GLYCTK: variants seen among roughly 807,000 people sequenced by gnomAD.
GLYCTK encodes the protein glycerate kinase, also known as HBeAg binding protein 4.
GLYCTK carries 22 observed loss-of-function variants against 24.8 expected under a neutral mutation model. That is an observed-to-expected ratio of 0.89 (90% CI 0.63 to 1.27). The LOEUF is 1.27. GLYCTK is among the 50% of genes most tolerant of loss of function. GLYCTK has a pLI of 0.00. For missense variants in GLYCTK, 684 were observed against 686.7 expected (o/e 1.00, Z 0.04); for synonymous variants, 320 against 297.2 (o/e 1.08, Z -0.79).
chr3:52,291,468 C>A, intron 3 of GLYCTK: 1 of 582,518 alleles, frequency 1.7e-6, no homozygotes, highest in Non-Finnish European at 3.1e-6. Flanking sequence ...GAGTCCTCTC[C>A]TTGATCTTCC....
chr3:52,290,752 C>G (rs2153220855), intron 2 of GLYCTK, 33 bp downstream of exon 2: 2 of 1,603,780 alleles, frequency 1.2e-6, no homozygotes, highest in Non-Finnish European at 1.7e-6. Context: ...CTCCCTCTAT[C>G]TATCTGGAGG....
Position 52,294,710 on chromosome 3 carries a change from A to G in GLYCTK, c.*1584A>G. 1 of 443,274 alleles carries G rather than the reference A, an allele frequency of 2.3e-6. No homozygotes were observed. The highest frequency in any genetic ancestry group is 4.6e-6 in the Non-Finnish European group (1 of 219,568). The allele number at this position is 443,274 out of a possible 1,614,324, so 27.5% of individuals were successfully genotyped here. A position where few individuals can be genotyped will look rare whatever the true frequency, so the allele number is the denominator to read the frequency against. On this transcript the variant is annotated 3_prime_UTR_variant, in exon 5 of 5. Coordinates refer to ENST00000436784, the MANE Select transcript of GLYCTK (RefSeq NM_145262.4). ...TGCTCCTCTGGCAGCGTCTACATGT[A>G]GCCTGTTCCTGCCTCAGTCCTTGCT...
At chr3:52,287,978 G>A in intron 1 of GLYCTK, 102 bp downstream of exon 1, 1 of 352,914 alleles carries the variant, frequency 2.8e-6, no homozygotes, top group Non-Finnish European at 6.0e-6. Context: ...TCGCATCACC[G>A]GGCATTACGC....
In GLYCTK at chr3:52,293,362, G is replaced by A. The variant is rs541005983; in HGVS notation, c.*236G>A. The stretch of plus-strand genomic sequence containing the variant: ...CCCTGAGGATGAGGACAAGCCCCTC[G>A]GCCAGTTCAGCGTTCCCGTGCTTCT... On this transcript the variant is annotated 3_prime_UTR_variant, in exon 5 of 5. Coordinates refer to ENST00000436784, the MANE Select transcript of GLYCTK (RefSeq NM_145262.4). 28 of 693,356 alleles carry A rather than the reference G, an allele frequency of 4.0e-5. No homozygotes were observed. Among genetic ancestry groups the A allele is most frequent in the Admixed American group, 3.6e-4 (18 of 49,652 alleles). 43.0% of individuals were successfully genotyped at this position (693,356 alleles called of 1,614,324 possible).
At chr3:52,290,115 G>T in intron 1 of GLYCTK, 189 bp from the exon 2 acceptor site, 1 of 586,910 alleles carries the variant, frequency 1.7e-6, no homozygotes. Context: ...CTGGGTGGCA[G>T]GGCTGGTCTC....
chr3:52,294,857 G>T lies in GLYCTK; in HGVS notation c.*1731G>T, dbSNP rs1700590782. 2.2e-6 allele frequency: 1 copy of T among 453,960 alleles called. No homozygotes were observed. Among genetic ancestry groups the T allele is most frequent in the Non-Finnish European group, 4.4e-6 (1 of 226,798 alleles). 28.1% of individuals were successfully genotyped at this position (453,960 alleles called of 1,614,324 possible). A position where few individuals can be genotyped will look rare whatever the true frequency, so the allele number is the denominator to read the frequency against. ...CCATGTCCCCAGTGTGTGTGTGGGT[G>T]GTAGGTGTGTGAGTATACAGACGTT... On this transcript the variant is annotated 3_prime_UTR_variant, in exon 5 of 5. Transcript: ENST00000436784.
In GLYCTK at chr3:52,292,360, A is replaced by C. The variant is rs527754559; in HGVS notation, c.806A>C (p.His269Pro). The stretch of plus-strand genomic sequence containing the variant: ...TCCCACAATGTGCAAGATTGCCTGC[A>C]TATCCTCAATCGCTACGGCCTCCGT... ...ASSHNVQDCLHILNRYGLRAA... is the reference protein window; with the variant it reads ...ASSHNVQDCLPILNRYGLRAA... The change falls in exon 5 of 5, where the codon CAT (histidine) becomes CCT (proline). Residue 269 changes from histidine to proline, a missense_variant. Physicochemically the swap from His to Pro is moderately conservative, Grantham distance 77. Transcript: ENST00000436784. 1 of 1,613,974 alleles carries C rather than the reference A, an allele frequency of 6.2e-7. No homozygotes were observed. The highest frequency in any genetic ancestry group is 1.1e-5 in the South Asian group (1 of 91,084).
intron 4 of GLYCTK, 58 bp downstream of exon 4, chr3:52,291,980 C>A: frequency 6.6e-7 from 1 of 1,522,230 alleles, no homozygotes; most frequent in Non-Finnish European, 9.0e-7. Context: ...CCCACATGTG[C>A]CAGGGATGTG....
In GLYCTK at chr3:52,293,121, C is replaced by T. The variant is rs146250137; in HGVS notation, c.1567C>T (p.Arg523Trp). ...MDTHLLFLRP[R>W] ...CACCCACCTCTTGTTCCTGCGGCCT[C>T]GGTGATGGCATAGGTCACATTTTGG... The change falls in exon 5 of 5, where the codon CGG (arginine) becomes TGG (tryptophan). Residue 523 changes from arginine (R) to tryptophan (W), a missense_variant. Physicochemically the swap from Arg to Trp is moderately radical, Grantham distance 101 (BLOSUM62 -3). Transcript: ENST00000436784. 4.5e-5 allele frequency: 73 copies of T among 1,613,624 alleles called. No individual in the cohort carries two copies. The highest frequency in any genetic ancestry group is 5.6e-5 in the Non-Finnish European group (66 of 1,180,034).
intron 4 of GLYCTK, 133 bp from the exon 5 acceptor site, chr3:52,292,127 A>T: frequency 7.7e-7 from 1 of 1,301,106 alleles, no homozygotes; most frequent in Non-Finnish European, 1.1e-6. Flanking sequence ...CCCACGTGAG[A>T]GGAGTTAACC....
intron 3 of GLYCTK, chr3:52,291,484 G>C: frequency 1.7e-6 from 1 of 583,948 alleles, no homozygotes; most frequent in Non-Finnish European, 3.1e-6. Flanking sequence ...CTTCCATTGT[G>C]TGCCCCCTGC....
At chr3:52,289,063 G>C (rs1284277139) in intron 1 of GLYCTK, 1 of 152,220 alleles carries the variant, frequency 6.6e-6, no homozygotes, top group Non-Finnish European at 1.5e-5. Context: ...GAAGAGCGTA[G>C]TGTTAATCTC....
In GLYCTK at chr3:52,290,952, C is replaced by G; in HGVS notation, c.378-8C>G. ...CCATCTCTTGCGTGCTGACCTTTCC[C>G]TCCCCAGGGAGATGCTGCTGAAGCC... On this transcript the variant is annotated splice_region_variant and splice_polypyrimidine_tract_variant and intron_variant, in intron 2 of 4. Coordinates refer to ENST00000436784, the MANE Select transcript of GLYCTK (RefSeq NM_145262.4). 6.2e-7 allele frequency: 1 copy of G among 1,614,030 alleles called. No individual in the cohort carries two copies. Among genetic ancestry groups the G allele is most frequent in the South Asian group, 1.1e-5 (1 of 91,086 alleles).
chr3:52,292,570 G>A lies in GLYCTK; in HGVS notation c.1016G>A (p.Gly339Asp), dbSNP rs776749165. The change falls in exon 5 of 5, where the codon GGT (glycine) becomes GAT (aspartate). Residue 339 changes from glycine (G) to aspartate (D), a missense_variant. Gly to Asp is a moderately conservative substitution (Grantham distance 94). Coordinates refer to ENST00000436784, the MANE Select transcript of GLYCTK (RefSeq NM_145262.4). ...GTGGTGCTGAGTGCAGCCATGCAAGGTGATGTAAAAAGTATGGCCCAGTTC... is the reference window on the plus strand; with the variant it reads ...GTGGTGCTGAGTGCAGCCATGCAAGATGATGTAAAAAGTATGGCCCAGTTC... ...QAVVLSAAMQGDVKSMAQFYG... is the reference protein window; with the variant it reads ...QAVVLSAAMQDDVKSMAQFYG... 75 of 1,613,952 alleles carry A rather than the reference G, an allele frequency of 4.6e-5. No homozygotes were observed. Among genetic ancestry groups the A allele is most frequent in the Non-Finnish European group, 6.3e-5 (74 of 1,180,038 alleles).
rs1469453934 is a variant in GLYCTK at position 52,291,885 on chromosome 3, A to G, written c.668A>G (p.Lys223Arg). ...NTIRKALSQL[K>R]GGGLAQAAYP... ...ATTCGGAAGGCCCTGTCCCAGCTCA[A>G]GGGTGGGGGGCTGGCTCAGGCCGCC... Residue 223 changes from lysine (K) to arginine (R), a missense_variant, in exon 4 of 5, where the codon AAG (lysine) becomes AGG (arginine). Lys to Arg is a conservative substitution (Grantham distance 26, BLOSUM62 2). Transcript: ENST00000436784. 1.9e-6 allele frequency: 3 copies of G among 1,613,502 alleles called. No homozygotes were observed. Among genetic ancestry groups the G allele is most frequent in the East Asian group, 2.2e-5 (1 of 44,874 alleles).
chr3:52,291,915 C>T lies in GLYCTK; in HGVS notation c.698C>T (p.Pro233Leu), dbSNP rs374930697. ...KGGGLAQAAY[P>L]AQVVSLILSD... ...GGGGGGCTGGCTCAGGCCGCCTACC[C>T]TGCCCAGGTATGAGTCCCTTCTTCC... The change falls in exon 4 of 5, where the codon CCT becomes CTT. Residue 233 changes from proline (P) to leucine (L), a missense_variant. By Grantham distance (98) the Pro-to-Leu change is moderately conservative. Transcript: ENST00000436784. The T allele has an allele frequency of 6.2e-7, 1 of 1,612,758 alleles. No homozygotes were observed. Among genetic ancestry groups the T allele is most frequent in the Non-Finnish European group, 8.5e-7 (1 of 1,179,510 alleles).
In GLYCTK at chr3:52,292,374, T is replaced by C. The variant is rs370833116; in HGVS notation, c.820T>C (p.Tyr274His). 109 of 1,613,880 alleles carry C rather than the reference T, an allele frequency of 6.8e-5. No homozygotes were observed. Among genetic ancestry groups the C allele is most frequent in the Non-Finnish European group, 8.9e-5 (105 of 1,180,004 alleles). The change falls in exon 5 of 5, where the codon TAC (tyrosine) becomes CAC (histidine). Residue 274 changes from tyrosine (Y) to histidine (H), a missense_variant. Physicochemically the swap from Tyr to His is moderately conservative, Grantham distance 83. Coordinates refer to ENST00000436784, the MANE Select transcript of GLYCTK (RefSeq NM_145262.4). ...AGATTGCCTGCATATCCTCAATCGC[T>C]ACGGCCTCCGTGCAGCCCTGCCACG... ...VQDCLHILNR[Y>H]GLRAALPRSV...
chr3:52,294,391 C>T lies in GLYCTK; in HGVS notation c.*1265C>T, dbSNP rs1217508383. The T allele has an allele frequency of 3.8e-6, 2 of 523,574 alleles. No individual in the cohort carries two copies. The highest frequency in any genetic ancestry group is 3.9e-5 in the African/African-American group (2 of 51,634). The allele number at this position is 523,574 out of a possible 1,614,324, so 32.4% of individuals were successfully genotyped here. ...TGGAGGGGCCCTGGGCCAGGGCTGG[C>T]AGGACTTTCCCCTGGGAAGGGTTTC... On this transcript the variant is annotated 3_prime_UTR_variant, in exon 5 of 5. Transcript: ENST00000436784.
In GLYCTK at chr3:52,290,229, C is replaced by T; in HGVS notation, c.-39-75C>T. On this transcript the variant is annotated intron_variant, in intron 1 of 4. Coordinates refer to ENST00000436784, the MANE Select transcript of GLYCTK (RefSeq NM_145262.4). ...AGCTGTGGGGTCCACTGGCCCTGAG[C>T]CCTCAGAGGGGCGGCCGTGGGGGAC... 7.9e-6 allele frequency: 10 copies of T among 1,262,092 alleles called. No homozygotes were observed. In the South Asian group the frequency reaches 1.3e-4, roughly 17 times the overall value. 78.2% of individuals were successfully genotyped at this position (1,262,092 alleles called of 1,614,324 possible).
Sources: gnomAD v4.1 joint callset for allele counts on GRCh38, gnomAD v4.1.1 for gene constraint, MANE v1.5 for transcripts, NCBI Gene and HGNC (gene_info 2026-07-23, HGNC 2026-07-21) for gene names.